Variants in STAB2 observed in about 807,000 individuals in gnomAD.
STAB2 encodes the protein stabilin-2.
A neutral mutation model predicts 338.1 loss-of-function variants in STAB2; 288 were observed. The ratio of observed to expected loss-of-function variants is 0.85; its 90% CI spans 0.77 to 0.94. The LOEUF (loss-of-function observed/expected upper bound fraction) is 0.94. STAB2 is among the 40% of genes least tolerant of loss of function. STAB2 has a pLI of 0.00. For synonymous variants in STAB2, 1,202 were observed against 1,193.3 expected, an observed-to-expected ratio of 1.01 and a Z score of -0.15; for missense variants, 3,141 against 3,210.1, an observed-to-expected ratio of 0.98 and a Z score of 0.52.
At chr12:103,737,843 C>T in intron 53 of STAB2, 63 bp downstream of exon 53, 6 of 1,594,162 alleles carry the variant, frequency 3.8e-6, no homozygotes, top group Non-Finnish European at 5.1e-6. Flanking sequence ...CCTCATGATC[C>T]AGTGTGGACC....
At chr12:103,609,016 T>C (rs1957078156) in intron 3 of STAB2, among the ~76,000 whole-genome samples, 1 of 152,236 alleles carries the variant, frequency 6.6e-6, no homozygotes, top group South Asian at 2.1e-4. Context: ...GCATTATTTC[T>C]GAGGGCTCTG....
Position 103,699,171 on chromosome 12 carries a change from C to A in STAB2, c.3658C>A (p.Arg1220Ser). ...LKNDLHNGMHRETMLGFSYFL... is the reference protein window; with the variant it reads ...LKNDLHNGMHSETMLGFSYFL... The stretch of plus-strand genomic sequence containing the variant: ...GAATGACCTGCACAATGGCATGCAT[C>A]GTGAGACCATGCTGGGTTTCTCCTA... Residue 1220 changes from arginine to serine, a missense_variant, in exon 34 of 69, where the codon CGT becomes AGT. Coordinates refer to ENST00000388887, the MANE Select transcript of STAB2 (RefSeq NM_017564.10). 5 of 1,613,452 alleles carry A rather than the reference C, an allele frequency of 3.1e-6. No individual in the cohort carries two copies. The highest frequency in any genetic ancestry group is 4.2e-6 in the Non-Finnish European group (5 of 1,179,564).
chr12:103,669,630 G>A lies in STAB2; in HGVS notation c.2259+3G>A, dbSNP rs1456308992. 6.2e-7 allele frequency: 1 copy of A among 1,612,920 alleles called. No individual in the cohort carries two copies. The highest frequency in any genetic ancestry group is 1.1e-5 in the South Asian group (1 of 90,998). On this transcript the variant is annotated splice_donor_region_variant and intron_variant, in intron 21 of 68. Transcript: ENST00000388887. Reference sequence around the variant, plus strand: ...ATCCATGCTCAGGAAATGGACAGGTGAATACTGAAGACTGGCCTTCCATAA... The same window carrying A: ...ATCCATGCTCAGGAAATGGACAGGTAAATACTGAAGACTGGCCTTCCATAA...
chr12:103,643,102 C>T (rs1164918946), intron 9 of STAB2, among the ~76,000 whole-genome samples: 2 of 151,990 alleles, frequency 1.3e-5, no homozygotes, highest in Non-Finnish European at 2.9e-5. Flanking sequence ...TCTGGTGAAG[C>T]CTGATTCATA....
chr12:103,608,436 C>A lies in STAB2; in HGVS notation c.332-12032C>A, dbSNP rs375702080. On this transcript the variant is annotated intron_variant, in intron 3 of 68. Coordinates refer to ENST00000388887, the MANE Select transcript of STAB2 (RefSeq NM_017564.10). ...GGATTACAGGCATGAGCCACCGCGC[C>A]CAGCCTATGATAAGCATTTTTTCAT... Among the ~76,000 whole-genome samples the A allele has an allele frequency of 3.3e-5, 5 of 152,196 alleles. No individual in the cohort carries two copies. In the East Asian group the frequency reaches 9.6e-4, roughly 29 times the overall value.
At chr12:103,594,973 C>T (rs1956854359) in intron 3 of STAB2, among the ~76,000 whole-genome samples, 1 of 152,078 alleles carries the variant, frequency 6.6e-6, no homozygotes, top group African/African-American at 2.4e-5. Context: ...TAAGACACAT[C>T]AGGGTAAAGA....
At chr12:103,661,391 G>T (rs1455943595) in intron 17 of STAB2, among the ~76,000 whole-genome samples, 1 of 152,178 alleles carries the variant, frequency 6.6e-6, no homozygotes, top group Non-Finnish European at 1.5e-5. Flanking sequence ...TGTTGATGGT[G>T]ATGATTATCT....
intron 1 of STAB2, among the ~76,000 whole-genome samples, chr12:103,589,710 G>C (rs1956767199): frequency 6.6e-6 from 1 of 152,162 alleles, no homozygotes; most frequent in Non-Finnish European, 1.5e-5. Context: ...TGTGAAACAG[G>C]GTCTTGAAGG....
chr12:103,685,422 CTGTGTGTG>C (rs141365936), intron 27 of STAB2, among the ~76,000 whole-genome samples: 22 of 145,906 alleles, frequency 1.5e-4, no homozygotes, highest in African/African-American at 2.5e-4. Context: ...CTTACCCATG[CTGTGTGTG>C]TGTGTGTGTG....
chr12:103,668,532 G>A, intron 19 of STAB2, 111 bp from the exon 20 acceptor site: 2 of 976,824 alleles, frequency 2.0e-6, no homozygotes, highest in South Asian at 2.9e-5. Context: ...ACTCTCTCCT[G>A]ACGTCAGTGG....
At chr12:103,611,287 G>A (rs1957118144) in intron 3 of STAB2, among the ~76,000 whole-genome samples, 1 of 152,278 alleles carries the variant, frequency 6.6e-6, no homozygotes, top group Admixed American at 6.5e-5. Context: ...TGACAGTGGG[G>A]TGTTAAAGTC....
intron 27 of STAB2, 30 bp downstream of exon 27, chr12:103,685,114 T>C (rs1877278292): frequency 1.9e-6 from 3 of 1,600,376 alleles, no homozygotes; most frequent in East Asian, 4.5e-5. Context: ...CTCAATAATA[T>C]AGACAAAACC....
rs34881989 is a variant in STAB2 at position 103,620,624 on chromosome 12, A to AACACACACACACACACAC, written c.417+84_417+101dup. On this transcript the variant is annotated intron_variant, in intron 4 of 68. Transcript: ENST00000388887. ...TCTTCTTACCTGTTGATCCTCCTTAAACACACACACACACACACACACACA... is the reference window on the plus strand; with the variant it reads ...TCTTCTTACCTGTTGATCCTCCTTAAACACACACACACACACACACACACACACACACACACACACACA... 10 of 842,438 alleles carry AACACACACACACACACAC rather than the reference A, an allele frequency of 1.2e-5. No individual in the cohort carries two copies. In the African/African-American group the frequency reaches 1.6e-4, roughly 13 times the overall value. The allele number at this position is 842,438 out of a possible 1,614,324, so 52.2% of individuals were successfully genotyped here. A position where few individuals can be genotyped will look rare whatever the true frequency, so the allele number is the denominator to read the frequency against.
At chr12:103,620,263 T>C (rs1034566583) in intron 3 of STAB2, among the ~76,000 whole-genome samples, 1 of 152,236 alleles carries the variant, frequency 6.6e-6, no homozygotes, top group African/African-American at 2.4e-5. Flanking sequence ...GATAGTGTGA[T>C]ACTTTCTAAT....
chr12:103,743,397 A>G (rs907914798), intron 56 of STAB2, among the ~76,000 whole-genome samples: 2 of 152,210 alleles, frequency 1.3e-5, no homozygotes, highest in African/African-American at 4.8e-5. Context: ...AAAGGCTTAC[A>G]GACACAAATT....
At chr12:103,698,106 A>T (rs1473644459) in intron 33 of STAB2, among the ~76,000 whole-genome samples, 2 of 152,282 alleles carry the variant, frequency 1.3e-5, no homozygotes, top group South Asian at 2.1e-4. Context: ...CAGGGAGAGA[A>T]CAGGAAGGAC....
At chr12:103,735,266 C>T (rs1273150903) in intron 51 of STAB2, among the ~76,000 whole-genome samples, 2 of 152,302 alleles carry the variant, frequency 1.3e-5, no homozygotes, top group East Asian at 3.9e-4. Flanking sequence ...GTGATTGAAA[C>T]CAGTCCACCT....
intron 27 of STAB2, 137 bp from the exon 28 acceptor site, chr12:103,688,031 C>T: frequency 1.3e-6 from 1 of 754,524 alleles, no homozygotes. Context: ...ATCAGGGAGG[C>T]AGGCCAGGAC....
Position 103,655,311 on chromosome 12 carries a change from A to G in STAB2, c.1608+4A>G, listed in dbSNP as rs1244674420. The G allele has an allele frequency of 1.2e-6, 2 of 1,611,896 alleles. No homozygotes were observed. Among genetic ancestry groups the G allele is most frequent in the Non-Finnish European group, 1.7e-6 (2 of 1,179,310 alleles). Reference sequence around the variant, plus strand: ...CAAGTTCAGATCTTTGTTAGAGGTAAGCACTTTTCATAATTTTCTGAAAAA... The same window carrying G: ...CAAGTTCAGATCTTTGTTAGAGGTAGGCACTTTTCATAATTTTCTGAAAAA... On this transcript the variant is annotated splice_donor_region_variant and intron_variant, in intron 14 of 68. Transcript: ENST00000388887.
Sources: allele counts gnomAD v4.1 joint callset (sites outside exome capture counted in the v4.1 genomes callset), GRCh38; gene constraint gnomAD v4.1.1; transcripts MANE v1.5; gene names NCBI Gene and HGNC (gene_info 2026-07-23, HGNC 2026-07-21).